The following POGZ variants were observed in gnomAD, a reference collection of about 807,000 sequenced individuals.
The protein encoded by POGZ is pogo transposable element with ZNF domain.
In POGZ, 17 loss-of-function variants were observed where a neutral mutation model predicts 134.6. That is an observed-to-expected ratio of 0.13 (90% CI 0.09 to 0.19). The LOEUF is 0.19. Among genes scored for constraint, POGZ ranks in the 10% least tolerant of loss-of-function variants. The probability of loss-of-function intolerance (pLI) is 1.00; values close to 1 mark genes in which losing one functional copy is unlikely to be tolerated. For missense variants in POGZ, 1,306 were observed against 1,769.7 expected (o/e 0.74, Z 4.70); for synonymous variants, 693 against 657.1 (o/e 1.05, Z -0.84).
intron 1 of POGZ, among the ~76,000 whole-genome samples, chr1:151,449,279 TC>T (rs1471546396): frequency 6.6e-6 from 1 of 152,176 alleles, no homozygotes; most frequent in Non-Finnish European, 1.5e-5. Context: ...TAAGGAATCT[TC>T]ATAAGTGACA....
At chr1:151,415,533 T>C (rs1655475729) in intron 10 of POGZ, among the ~76,000 whole-genome samples, 1 of 151,416 alleles carries the variant, frequency 6.6e-6, no homozygotes, top group Admixed American at 6.6e-5. Flanking sequence ...TAGCCGGGCG[T>C]GGTGGTGGGT....
At chr1:151,434,130 G>A (rs371999798) in intron 3 of POGZ, among the ~76,000 whole-genome samples, 111 of 152,220 alleles carry the variant, frequency 7.3e-4, no homozygotes, top group African/African-American at 2.6e-3. Flanking sequence ...CCATCATGGT[G>A]AAACCCCCAT....
rs1243974102 is a variant in POGZ at position 151,423,368 on chromosome 1, C to T, written c.1678+29G>A. 3 of 1,586,674 alleles carry T rather than the reference C, an allele frequency of 1.9e-6. No individual in the cohort carries two copies. The East Asian group carries it at 6.7e-5, about 35-fold the overall frequency. On this transcript the variant is annotated intron_variant, in intron 10 of 18. Coordinates refer to ENST00000271715, the MANE Select transcript of POGZ (RefSeq NM_015100.4). Reference sequence around the variant, plus strand: ...AATGAGTGAACAGCAAGGTATATTCCCCTTGAGTTTAAGAGTTTCCAAACT... The same window carrying T: ...AATGAGTGAACAGCAAGGTATATTCTCCTTGAGTTTAAGAGTTTCCAAACT...
chr1:151,404,353 T>C lies in POGZ; in HGVS notation c.*449A>G. The C allele has an allele frequency of 1.0e-6, 1 of 986,020 alleles. No individual in the cohort carries two copies. The allele number at this position is 986,020 out of a possible 1,614,324, so 61.1% of individuals were successfully genotyped here. A position where few individuals can be genotyped will look rare whatever the true frequency, so the allele number is the denominator to read the frequency against. ...TTCAGAAATGTTCTCACATTAACAA[T>C]GATTAGATAGCATCATGCCCAAAGA... On this transcript the variant is annotated 3_prime_UTR_variant, in exon 19 of 19. Coordinates refer to ENST00000271715, the MANE Select transcript of POGZ (RefSeq NM_015100.4).
intron 3 of POGZ, 196 bp downstream of exon 3, chr1:151,440,732 C>T (rs1422950463): frequency 1.7e-5 from 7 of 400,388 alleles, no homozygotes; most frequent in South Asian, 8.7e-5. Flanking sequence ...ACACCAGTAC[C>T]GAGTCAGCAC....
chr1:151,410,736 T>TA (rs1405348263), intron 12 of POGZ, among the ~76,000 whole-genome samples: 1 of 152,192 alleles, frequency 6.6e-6, no homozygotes, highest in Admixed American at 6.5e-5. Context: ...CAGATACTGC[T>TA]AACTTACAAT....
intron 10 of POGZ, among the ~76,000 whole-genome samples, chr1:151,418,194 C>T (rs1203127237): frequency 6.6e-5 from 10 of 150,962 alleles, no homozygotes; most frequent in Admixed American, 5.3e-4. Flanking sequence ...TCAGCCTGAG[C>T]GACATAGCAA....
Position 151,430,904 on chromosome 1 carries a change from C to CTTTATTTTATTTTAT in POGZ, c.284-78_284-64dup, listed in dbSNP as rs60227751. On this transcript the variant is annotated intron_variant, in intron 3 of 18. Transcript: ENST00000271715. ...GAAACAATGTTAAACCCACATTTTA[C>CTTTATTTTATTTTAT]TTTATTTTATTTTATTTTATTTTAT... 2.4e-3 allele frequency: 1,005 copies of CTTTATTTTATTTTAT among 426,852 alleles called. 13 individuals are homozygous for CTTTATTTTATTTTAT. Among genetic ancestry groups the CTTTATTTTATTTTAT allele is most frequent in the African/African-American group, 0.02 (885 of 45,036 alleles). 26.4% of individuals were successfully genotyped at this position (426,852 alleles called of 1,614,324 possible).
At chr1:151,449,440 A>G (rs954943312) in intron 1 of POGZ, among the ~76,000 whole-genome samples, 12 of 152,146 alleles carry the variant, frequency 7.9e-5, no homozygotes, top group Non-Finnish European at 1.5e-4. Flanking sequence ...AGAACATCCT[A>G]CAATGCATAG....
Position 151,412,412 on chromosome 1 carries a change from TAATC to T in POGZ, c.1679-20_1679-17del. 1.4e-6 allele frequency: 2 copies of T among 1,407,864 alleles called. No individual in the cohort carries two copies. Among genetic ancestry groups the T allele is most frequent in the Non-Finnish European group, 1.0e-6 (1 of 996,530 alleles). The allele number at this position is 1,407,864 out of a possible 1,614,324, so 87.2% of individuals were successfully genotyped here. On this transcript the variant is annotated splice_polypyrimidine_tract_variant and intron_variant, in intron 10 of 18. Coordinates refer to ENST00000271715, the MANE Select transcript of POGZ (RefSeq NM_015100.4). The stretch of plus-strand genomic sequence containing the variant: ...TTGCACTTGGCTGTAAGAAGAAAAG[TAATC>T]AATAAATCCACTTGAAAATAAGACA...
At chr1:151,407,137 A>G in intron 16 of POGZ, 98 bp downstream of exon 16, 1 of 1,234,338 alleles carries the variant, frequency 8.1e-7, no homozygotes, top group Non-Finnish European at 1.2e-6. Context: ...CCTTTTTCTG[A>G]AATTAATTCA....
intron 12 of POGZ, 36 bp downstream of exon 12, chr1:151,411,589 A>C (rs1654682572): frequency 1.3e-6 from 2 of 1,505,240 alleles, no homozygotes; most frequent in Non-Finnish European, 9.0e-7. Context: ...AAAAAAAAAA[A>C]ACAAGAGAAT....
In POGZ at chr1:151,427,932, G is replaced by C. The variant is rs756154420; in HGVS notation, c.969C>G (p.Thr323=). The C allele has an allele frequency of 1.2e-6, 2 of 1,613,922 alleles. No individual in the cohort carries two copies. The highest frequency in any genetic ancestry group is 1.7e-6 in the Non-Finnish European group (2 of 1,179,866). The change falls in exon 7 of 19, where the codon ACC becomes ACG. Residue 323 remains threonine (T), a synonymous_variant. Transcript: ENST00000271715. The part of the protein sequence containing the change: ...NSNEVAKLVN[T]LNTIPSLGQS... ...GGCCCAGGGAAGGGATGGTGTTAAG[G>C]GTATTCACCAATTTGGCCACTTCAT... is the stretch of plus-strand genomic sequence containing the variant.
rs191000036 is a variant in POGZ, at chr1:151,404,606, C to A, written c.*196G>T. The A allele has an allele frequency of 7.5e-7, 1 of 1,331,732 alleles. No individual in the cohort carries two copies. The highest frequency in any genetic ancestry group is 1.5e-5 in the African/African-American group (1 of 67,872). 82.5% of individuals were successfully genotyped at this position (1,331,732 alleles called of 1,614,324 possible). A position where few individuals can be genotyped will look rare whatever the true frequency, so the allele number is the denominator to read the frequency against. ...CAATGGGCCAGCTCCTTGGCTCAGA[C>A]GTGATTACTATTGGTTTTCCTAATT... On this transcript the variant is annotated 3_prime_UTR_variant, in exon 19 of 19. Coordinates refer to ENST00000271715, the MANE Select transcript of POGZ (RefSeq NM_015100.4).
At chr1:151,429,773 G>T in intron 4 of POGZ, 62 bp from the exon 5 acceptor site, 3 of 901,792 alleles carry the variant, frequency 3.3e-6, no homozygotes, top group Non-Finnish European at 3.6e-6. Context: ...AAAGATTGCA[G>T]TATGACCTAC....
chr1:151,406,282 G>A lies in POGZ; in HGVS notation c.2753C>T (p.Pro918Leu). ...AGCCTGCGGGTGAGTGGGGGTTGGT[G>A]GTGGGGTTGCAGTTGAGGCTGGTGA... Reference protein sequence around the residue: ...LPSPASTATPPPTPTHPQALA... With the variant: ...LPSPASTATPLPTPTHPQALA... The change falls in exon 19 of 19, where the codon CCA (proline) becomes CTA (leucine). Residue 918 changes from proline to leucine, a missense_variant. Transcript: ENST00000271715. 2 of 1,612,112 alleles carry A rather than the reference G, an allele frequency of 1.2e-6. No homozygotes were observed. Among genetic ancestry groups the A allele is most frequent in the South Asian group, 2.2e-5 (2 of 90,838 alleles).
chr1:151,406,943 G>A lies in POGZ; in HGVS notation c.2513C>T (p.Pro838Leu). 1 of 1,613,866 alleles carries A rather than the reference G, an allele frequency of 6.2e-7. No homozygotes were observed. Among genetic ancestry groups the A allele is most frequent in the Non-Finnish European group, 8.5e-7 (1 of 1,179,800 alleles). ...DAMAKHLVFN[P>L]SHRSSSILPR... ...CAGGATGCTGCTGGATCTGTGAGAG[G>A]GGTTGAATACCAAATGCTTGGCCAT... The change falls in exon 17 of 19, where the codon CCC becomes CTC. Residue 838 changes from proline to leucine, a missense_variant. Physicochemically the swap from Pro to Leu is moderately conservative, Grantham distance 98 (BLOSUM62 -3). Coordinates refer to ENST00000271715, the MANE Select transcript of POGZ (RefSeq NM_015100.4).
At chr1:151,441,146 T>G (rs1324963714) in intron 2 of POGZ, 60 bp from the exon 3 acceptor site, 1 of 1,351,944 alleles carries the variant, frequency 7.4e-7, no homozygotes, top group Non-Finnish European at 1.0e-6. Context: ...TAAAGGATAC[T>G]GCTCTAATCT....
rs149691904 is a variant in POGZ at position 151,413,995 on chromosome 1, T to G, written c.1679-1599A>C. On this transcript the variant is annotated intron_variant, in intron 10 of 18. Coordinates refer to ENST00000271715, the MANE Select transcript of POGZ (RefSeq NM_015100.4). Reference sequence around the variant, plus strand: ...TTTCTAGGAAGAGGATTCAAACATTTCATATTTATTCTCAAAGAGGTCTGC... The same window carrying G: ...TTTCTAGGAAGAGGATTCAAACATTGCATATTTATTCTCAAAGAGGTCTGC... Among the ~76,000 whole-genome samples the G allele has an allele frequency of 4.8e-4, 73 of 152,326 alleles. 1 individual carries two copies. In the East Asian group the frequency reaches 0.012, roughly 25 times the overall value.
Sources: allele counts gnomAD v4.1 joint callset (sites outside exome capture counted in the v4.1 genomes callset), GRCh38; gene constraint gnomAD v4.1.1; transcripts MANE v1.5; gene names NCBI Gene and HGNC (gene_info 2026-07-23, HGNC 2026-07-21).